Variants in KIF24 observed in about 807,000 individuals in gnomAD.
KIF24 encodes the protein kinesin-like protein KIF24.
KIF24 carries 81 observed loss-of-function variants against 118.9 expected under a neutral mutation model. That is an observed-to-expected ratio of 0.68 (90% CI 0.57 to 0.82). The LOEUF is 0.82. KIF24 is among the 40% of genes least tolerant of loss of function. The probability of loss-of-function intolerance (pLI) is 0.00; values close to 1 mark genes in which losing one functional copy is unlikely to be tolerated. For synonymous variants in KIF24, 599 were observed against 610.0 expected (o/e 0.98, Z 0.27); for missense variants, 1,560 against 1,661.6 (o/e 0.94, Z 1.06).
chr9:34,279,631 T>C (rs1835773602), intron 6 of KIF24, among the ~76,000 whole-genome samples: 1 of 152,258 alleles, frequency 6.6e-6, no homozygotes, highest in African/African-American at 2.4e-5. Flanking sequence ...ATAATGAAGC[T>C]ACCAGTTGTG....
rs1837408997 is a variant in KIF24 at position 34,318,637 on chromosome 9, G to A, written c.-25-7266C>T. On this transcript the variant is annotated intron_variant, in intron 1 of 12. Coordinates refer to ENST00000402558, the MANE Select transcript of KIF24 (RefSeq NM_194313.4). The surrounding 1 kb of genome is among the most constrained non-coding windows in gnomAD (Gnocchi z 4.9). ...CGCCCGTGGTGGTGGCCTCGTCGTT[G>A]GGGCTCGTGTCGCTGGGCGGCAAGG... 1.3e-6 allele frequency: 2 copies of A among 1,535,076 alleles called. No individual in the cohort carries two copies. Among genetic ancestry groups the A allele is most frequent in the Admixed American group, 1.8e-5 (1 of 56,936 alleles).
intron 2 of KIF24, 27 bp from the exon 3 acceptor site, chr9:34,306,468 A>G: frequency 7.0e-7 from 1 of 1,431,336 alleles, no homozygotes; most frequent in Non-Finnish European, 9.6e-7. Context: ...CAGGCTTTTA[A>G]TTTTTAATAA....
At chr9:34,260,370 C>T (rs900220340) in intron 9 of KIF24, among the ~76,000 whole-genome samples, 3 of 151,822 alleles carry the variant, frequency 2.0e-5, no homozygotes, top group Non-Finnish European at 4.4e-5. Context: ...AATAATTATA[C>T]ACTGAATATA....
intron 9 of KIF24, 47 bp downstream of exon 9, chr9:34,263,054 A>G (rs1381477450): frequency 7.2e-7 from 1 of 1,392,532 alleles, no homozygotes; most frequent in Non-Finnish European, 1.0e-6. Context: ...GAAATAAGGA[A>G]GAAAGGAATG....
chr9:34,323,833 A>G (rs1837594210), intron 1 of KIF24, among the ~76,000 whole-genome samples: 1 of 152,236 alleles, frequency 6.6e-6, no homozygotes, highest in African/African-American at 2.4e-5. Context: ...CTACCTGAAT[A>G]ATCTTCCAAG....
At chr9:34,268,414 CA>C (rs1835372521) in intron 8 of KIF24, among the ~76,000 whole-genome samples, 2 of 152,020 alleles carry the variant, frequency 1.3e-5, no homozygotes, top group African/African-American at 4.8e-5. Context: ...CCTCGGCCTC[CA>C]AAAGTGTTGG....
intron 3 of KIF24, among the ~76,000 whole-genome samples, chr9:34,302,330 G>A (rs1836750245): frequency 6.6e-6 from 1 of 151,848 alleles, no homozygotes; most frequent in Admixed American, 6.6e-5. Flanking sequence ...TTAAGACAGA[G>A]TCTTACTCTG....
Position 34,257,561 on chromosome 9 carries a change from C to A in KIF24, c.2046G>T (p.Gly682=). 6.2e-7 allele frequency: 1 copy of A among 1,614,078 alleles called. No homozygotes were observed. Among genetic ancestry groups the A allele is most frequent in the Non-Finnish European group, 8.5e-7 (1 of 1,179,892 alleles). The part of the protein sequence containing the change: ...KNRMGNKTVL[G]WESRASGPGE... The stretch of plus-strand genomic sequence containing the variant: ...CTGGGCCTGAGGCCCTGCTTTCCCA[C>A]CCAAGGACAGTTTTGTTGCCCATTC... Residue 682 remains glycine (G), a synonymous_variant, in exon 11 of 13, where the codon GGG becomes GGT. Transcript: ENST00000402558.
chr9:34,299,033 C>CAT (rs754441078), intron 3 of KIF24, among the ~76,000 whole-genome samples: 3 of 151,910 alleles, frequency 2.0e-5, no homozygotes, highest in African/African-American at 7.3e-5. Flanking sequence ...GGTACAACTA[C>CAT]ATATATATAT....
intron 2 of KIF24, among the ~76,000 whole-genome samples, chr9:34,308,557 T>C (rs979727528): frequency 2.6e-5 from 4 of 152,198 alleles, no homozygotes; most frequent in Admixed American, 2.6e-4. Context: ...GTGCTGGGAT[T>C]AGAGGTGTGA....
intron 8 of KIF24, among the ~76,000 whole-genome samples, chr9:34,268,462 T>C (rs2131697344): frequency 6.6e-6 from 1 of 151,554 alleles, no homozygotes; most frequent in African/African-American, 2.4e-5. Context: ...AGCTGAGATA[T>C]ATACAATATT....
intron 6 of KIF24, among the ~76,000 whole-genome samples, chr9:34,285,240 A>C (rs190297145): frequency 1.3e-5 from 2 of 152,340 alleles, no homozygotes; most frequent in East Asian, 3.9e-4. Context: ...ACAAAAAACT[A>C]ATAAAATTAG....
chr9:34,255,927 G>C lies in KIF24; in HGVS notation c.3680C>G (p.Pro1227Arg). 6.2e-7 allele frequency: 1 copy of C among 1,614,018 alleles called. No individual in the cohort carries two copies. Among genetic ancestry groups the C allele is most frequent in the Non-Finnish European group, 8.5e-7 (1 of 1,179,882 alleles). ...DQLWAQERKH[P>R]TRLGWQEFGL... ...AAACTCCTGCCAACCAAGCCTTGTA[G>C]GATGTTTTCTCTCCTGGGCCCAGAG... Residue 1227 changes from proline (P) to arginine (R), a missense_variant, in exon 11 of 13, where the codon CCT (proline) becomes CGT (arginine). Physicochemically the swap from Pro to Arg is moderately radical, Grantham distance 103 (BLOSUM62 -2). This residue lies in a region of KIF24 where 591 missense variants were observed against 655.6 expected (regional missense o/e 0.90). Coordinates refer to ENST00000402558, the MANE Select transcript of KIF24 (RefSeq NM_194313.4).
chr9:34,305,563 A>C (rs1215379340), intron 3 of KIF24, among the ~76,000 whole-genome samples: 3 of 152,142 alleles, frequency 2.0e-5, no homozygotes, highest in Non-Finnish European at 4.4e-5. Context: ...ATATTCAGTG[A>C]CTGGTCCTGT....
rs1834866260 is a variant in KIF24 at position 34,256,833 on chromosome 9, G to C, written c.2774C>G (p.Thr925Ser). Residue 925 changes from threonine (T) to serine (S), a missense_variant, in exon 11 of 13, where the codon ACT becomes AGT. Physicochemically the swap from Thr to Ser is moderately conservative, Grantham distance 58. Transcript: ENST00000402558. ...GTCTCTGGGAGAAGGCCCTGAGGAA[G>C]TAGAGTTCTCTCTGCTCCAGTCCAC... ...GPVDWSRENS[T>S]SSGPSPRDSL... 6.2e-7 allele frequency: 1 copy of C among 1,613,898 alleles called. No individual in the cohort carries two copies. Among genetic ancestry groups the C allele is most frequent in the African/African-American group, 1.3e-5 (1 of 74,932 alleles).
At chr9:34,262,644 CAAAAAAAAAAAAAAAAAAAAA>C in intron 9 of KIF24, among the ~76,000 whole-genome samples, 1 of 19,612 alleles carries the variant, frequency 5.1e-5, no homozygotes, top group South Asian at 2.9e-3. Context: ...CTGTCTCTAC[CAAAAAAAAAAAAAAAAAAAAA>C]AAAAAAAAAA....
Position 34,311,274 on chromosome 9 carries a change from C to G in KIF24, c.73G>C (p.Gly25Arg), listed in dbSNP as rs376039012. ...AQYYSHFTAL[G>R]LQKIDELAKI... is the part of the protein sequence containing the mutation. ...GCTAATTCATCTATTTTCTGAAGGC[C>G]AAGGGCAGTGAAATGAGAATAATAC... Residue 25 changes from glycine (G) to arginine (R), a missense_variant, in exon 2 of 13, where the codon GGC becomes CGC. Around this residue, in one of 3 missense-constraint regions of KIF24, gnomAD observed 964 missense variants for 988.0 expected, o/e 0.98. Transcript: ENST00000402558. 155 of 1,611,366 alleles carry G rather than the reference C, an allele frequency of 9.6e-5. No individual in the cohort carries two copies. The highest frequency in any genetic ancestry group is 1.2e-4 in the Non-Finnish European group (143 of 1,178,404).
At chr9:34,279,757 A>G (rs1835778072) in intron 6 of KIF24, among the ~76,000 whole-genome samples, 1 of 152,260 alleles carries the variant, frequency 6.6e-6, no homozygotes, top group African/African-American at 2.4e-5. Flanking sequence ...GACACCTGAG[A>G]GTGAAATGTG....
At chr9:34,316,576 C>T (rs1837337316) in intron 1 of KIF24, among the ~76,000 whole-genome samples, 1 of 152,200 alleles carries the variant, frequency 6.6e-6, no homozygotes, top group African/African-American at 2.4e-5. Flanking sequence ...TTTAAAAAAG[C>T]ATTTTATATA....
Sources: allele counts gnomAD v4.1 joint callset (sites outside exome capture counted in the v4.1 genomes callset), GRCh38; gene constraint gnomAD v4.1.1; regional missense constraint gnomAD v4.1.1; non-coding constraint Gnocchi (gnomAD v3.1); transcripts MANE v1.5; gene names NCBI Gene and HGNC (gene_info 2026-07-23, HGNC 2026-07-21).